The following CREBBP variants were observed in gnomAD, a reference collection of about 807,000 sequenced individuals.
The protein encoded by CREBBP is CREB-binding protein.
In CREBBP, 19 loss-of-function variants were observed where a neutral mutation model predicts 265.0. That is an observed-to-expected ratio of 0.07 (90% confidence interval 0.05 to 0.11). CREBBP has a LOEUF of 0.11. CREBBP is among the 10% of genes least tolerant of loss of function. CREBBP has a pLI of 1.00. For synonymous variants in CREBBP, 1,457 were observed against 1,223.7 expected, an observed-to-expected ratio of 1.19 and a Z score of -3.98; for missense variants, 2,525 against 3,219.0, an observed-to-expected ratio of 0.78 and a Z score of 5.22.
intron 11 of CREBBP, among the ~76,000 whole-genome samples, chr16:3,776,460 G>A (rs2053139856): frequency 6.6e-6 from 1 of 152,116 alleles, no homozygotes; most frequent in Non-Finnish European, 1.5e-5. Flanking sequence ...GACAGCTGCT[G>A]ACACCCCAAC....
intron 21 of CREBBP, chr16:3,745,579 C>T: frequency 1.8e-6 from 1 of 564,316 alleles, no homozygotes; most frequent in Non-Finnish European, 3.2e-6. Context: ...CTTCATTCCT[C>T]TTTTCTCCCA....
chr16:3,803,165 T>TAA (rs1567325419), intron 3 of CREBBP, among the ~76,000 whole-genome samples: 5 of 151,056 alleles, frequency 3.3e-5, no homozygotes, highest in African/African-American at 1.2e-4. Context: ...TTGATTTTTT[T>TAA]TAAAAAAATA....
chr16:3,856,889 G>A (rs1004804248), intron 1 of CREBBP, among the ~76,000 whole-genome samples: 16 of 152,184 alleles, frequency 1.1e-4, no homozygotes, highest in African/African-American at 3.4e-4. Flanking sequence ...AGGGAGGCCA[G>A]GCCACAGAAG....
intron 2 of CREBBP, among the ~76,000 whole-genome samples, chr16:3,820,357 A>C (rs978223502): frequency 2.0e-5 from 3 of 152,232 alleles, no homozygotes; most frequent in African/African-American, 4.8e-5. Context: ...CACAGACAGC[A>C]CTTGGCTGTC....
intron 5 of CREBBP, among the ~76,000 whole-genome samples, chr16:3,787,070 CAA>C (rs757962926): frequency 3.1e-4 from 27 of 86,894 alleles, no homozygotes; most frequent in Admixed American, 2.6e-4. Flanking sequence ...GACTTCGTCT[CAA>C]AAAAAAAAAA....
rs2151329174 is a variant in CREBBP at position 3,736,664 on chromosome 16, T to C, written c.4546A>G (p.Ile1516Val). 6.2e-7 allele frequency: 1 copy of C among 1,614,242 alleles called. No individual in the cohort carries two copies. The highest frequency in any genetic ancestry group is 8.5e-7 in the Non-Finnish European group (1 of 1,180,042). ...GCGCCGGGTACCTTGTAGTCATGGATGATCCGCTCTGCAAACGCCTTGTCC... is the reference window on the plus strand; with the variant it reads ...GCGCCGGGTACCTTGTAGTCATGGACGATCCGCTCTGCAAACGCCTTGTCC... ...MLDKAFAERIIHDYKDIFKQA... is the reference protein window; with the variant it reads ...MLDKAFAERIVHDYKDIFKQA... The change falls in exon 27 of 31, where the codon ATC (isoleucine) becomes GTC (valine). Residue 1516 changes from isoleucine (I) to valine (V), a missense_variant. Physicochemically the swap from Ile to Val is conservative, Grantham distance 29 (BLOSUM62 3). Around this residue, in one of 19 missense-constraint regions of CREBBP, gnomAD observed 93 missense variants for 161.5 expected, o/e 0.58. Transcript: ENST00000262367.
rs116902607 is a variant in CREBBP at position 3,813,748 on chromosome 16, C to A, written c.799-2969G>T. On this transcript the variant is annotated intron_variant, in intron 2 of 30. Coordinates refer to ENST00000262367, the MANE Select transcript of CREBBP (RefSeq NM_004380.3). ...TGAGCCAAGCCCAGTTCTGAGGCTGCGTAGATGCATTTCCCACTTGTCACG... is the reference window on the plus strand; with the variant it reads ...TGAGCCAAGCCCAGTTCTGAGGCTGAGTAGATGCATTTCCCACTTGTCACG... 2.8e-3 allele frequency among the ~76,000 whole-genome samples: 425 copies of A among 152,304 alleles called. 2 individuals are homozygous for A. The highest frequency in any genetic ancestry group is 4.9e-3 in the Non-Finnish European group (330 of 68,020).
At chr16:3,773,316 T>C (rs2141212720) in intron 13 of CREBBP, among the ~76,000 whole-genome samples, 1 of 152,342 alleles carries the variant, frequency 6.6e-6, no homozygotes, top group Admixed American at 6.5e-5. Context: ...TTCTGTTAGC[T>C]TGATTTCACC....
chr16:3,774,505 T>C (rs982374916), intron 12 of CREBBP, 64 bp downstream of exon 12: 7 of 1,608,278 alleles, frequency 4.4e-6, no homozygotes, highest in Non-Finnish European at 6.0e-6. Flanking sequence ...TGAATTCTGC[T>C]GCTTAGATAA....
At chr16:3,733,489 A>C (rs2151322875) in intron 28 of CREBBP, among the ~76,000 whole-genome samples, 1 of 152,256 alleles carries the variant, frequency 6.6e-6, no homozygotes, top group African/African-American at 2.4e-5. Flanking sequence ...AATTGGAACG[A>C]AGTGTAGACT....
intron 1 of CREBBP, among the ~76,000 whole-genome samples, chr16:3,854,272 G>A (rs149200751): frequency 6.3e-4 from 96 of 152,286 alleles, no homozygotes; most frequent in African/African-American, 2.2e-3. Context: ...TCACAGCAAT[G>A]GATGCTCAGA....
intron 1 of CREBBP, among the ~76,000 whole-genome samples, chr16:3,852,183 G>A (rs1174515368): frequency 3.3e-4 from 2 of 5,996 alleles, no homozygotes; most frequent in Admixed American, 1.4e-3. Flanking sequence ...TTTTTTTTTT[G>A]AGACAGAGTC....
Position 3,729,849 on chromosome 16 carries a change from T to C in CREBBP, c.5198A>G (p.Tyr1733Cys). 1.2e-6 allele frequency: 2 copies of C among 1,602,942 alleles called. No individual in the cohort carries two copies. Among genetic ancestry groups the C allele is most frequent in the Non-Finnish European group, 1.7e-6 (2 of 1,179,940 alleles). Residue 1733 changes from tyrosine to cysteine, a missense_variant, in exon 31 of 31, where the codon TAT becomes TGT. This residue lies in a region of CREBBP where 62 missense variants were observed against 156.2 expected (regional missense o/e 0.40). Transcript: ENST00000262367. ...CTTATGGGCATGGCTCTTCGTGTTA[T>C]AGCAGTTGATGCAGAGGTCGTAGTC... The part of the protein sequence containing the change: ...CEDYDLCINC[Y>C]NTKSHAHKMV...
intron 8 of CREBBP, among the ~76,000 whole-genome samples, chr16:3,780,112 C>T (rs1396590993): frequency 5.3e-5 from 8 of 151,716 alleles, no homozygotes; most frequent in Admixed American, 2.0e-4. Flanking sequence ...GGTGGTGGCA[C>T]GTGCTTGTAA....
intron 2 of CREBBP, among the ~76,000 whole-genome samples, chr16:3,836,444 A>C (rs2054453849): frequency 1.3e-5 from 2 of 150,454 alleles, no homozygotes; most frequent in East Asian, 3.9e-4. Flanking sequence ...AAAAAAAAAA[A>C]AAAAAGAAAA....
At chr16:3,821,713 GT>G (rs2054144127) in intron 2 of CREBBP, among the ~76,000 whole-genome samples, 1 of 152,010 alleles carries the variant, frequency 6.6e-6, no homozygotes, top group South Asian at 2.1e-4. Context: ...GATAAAAAAT[GT>G]GAGAAAAATT....
Position 3,728,167 on chromosome 16 carries a change from G to A in CREBBP, c.6880C>T (p.Arg2294Trp), listed in dbSNP as rs763223282. ...TPNIQQALQQRILQQQQMKQQ... is the reference protein window; with the variant it reads ...TPNIQQALQQWILQQQQMKQQ... ...TTCATCTGCTGTTGCTGCAGAATCC[G>A]CTGCTGCAGGGCTTGCTGGATGTTG... The change falls in exon 31 of 31, where the codon CGG (arginine) becomes TGG (tryptophan). Residue 2294 changes from arginine (R) to tryptophan (W), a missense_variant. By Grantham distance (101) the Arg-to-Trp change is moderately radical. This residue lies in a region of CREBBP where 473 missense variants were observed against 459.3 expected (regional missense o/e 1.03). Transcript: ENST00000262367. The surrounding 1 kb of genome is among the most constrained non-coding windows in gnomAD (Gnocchi z 8.7). 3.1e-6 allele frequency: 5 copies of A among 1,613,950 alleles called. No individual in the cohort carries two copies. Among genetic ancestry groups the A allele is most frequent in the Admixed American group, 1.7e-5 (1 of 59,996 alleles).
At chr16:3,831,719 G>T (rs561226531) in intron 2 of CREBBP, among the ~76,000 whole-genome samples, 1 of 152,046 alleles carries the variant, frequency 6.6e-6, no homozygotes, top group South Asian at 2.1e-4. Flanking sequence ...TACAGAGGCC[G>T]GGCATGGTGG....
intron 3 of CREBBP, among the ~76,000 whole-genome samples, chr16:3,802,942 A>C (rs2053748282): frequency 6.6e-6 from 1 of 151,954 alleles, no homozygotes; most frequent in African/African-American, 2.4e-5. Context: ...TGCAATAACC[A>C]CTTGCTCAGG....
Sources: allele counts gnomAD v4.1 joint callset (sites outside exome capture counted in the v4.1 genomes callset), GRCh38; gene constraint gnomAD v4.1.1; regional missense constraint gnomAD v4.1.1; non-coding constraint Gnocchi (gnomAD v3.1); transcripts MANE v1.5; gene names NCBI Gene and HGNC (gene_info 2026-07-23, HGNC 2026-07-21).